AFG2A: variants seen among roughly 807,000 people sequenced by gnomAD.
The protein encoded by AFG2A is ATPase family gene 2 protein homolog A.
At chr4:122,926,468 T>A in the AFG2A span, among the ~76,000 whole-genome samples, 57 of 152,354 alleles carry the variant, frequency 3.7e-4, 2 homozygotes, top group South Asian at 2.1e-4. Context: ...CTCAGTGCTG[T>A]TCATCTTAGC....
the AFG2A span, among the ~76,000 whole-genome samples, chr4:122,998,838 G>A: frequency 1.3e-5 from 2 of 152,188 alleles, no homozygotes; most frequent in Non-Finnish European, 1.5e-5. Context: ...GTAATGGGAT[G>A]GTTGGGTCAA....
At chr4:123,056,560 T>A in the AFG2A span, 2 of 575,294 alleles carry the variant, frequency 3.5e-6, no homozygotes. Context: ...CTTAGTGGTA[T>A]TTTTTTTTCT....
the AFG2A span, among the ~76,000 whole-genome samples, chr4:123,017,257 AGAGCG>A: frequency 2.3e-4 from 33 of 142,176 alleles, no homozygotes; most frequent in Non-Finnish European, 3.8e-4. Context: ...AGGGAGAGCG[AGAGCG>A]AGAGCGAGAG....
At chr4:123,269,751 G>C in the AFG2A span, among the ~76,000 whole-genome samples, 10 of 93,034 alleles carry the variant, frequency 1.1e-4, no homozygotes, top group African/African-American at 3.0e-4. Flanking sequence ...TACATCCTTC[G>C]TCCCCCTTAA....
the AFG2A span, among the ~76,000 whole-genome samples, chr4:123,058,784 G>T: frequency 1.3e-5 from 2 of 148,646 alleles, no homozygotes; most frequent in African/African-American, 5.0e-5. Context: ...ATGAGATTTG[G>T]GTGGAGACAC....
chr4:123,122,608 A>G, the AFG2A span, among the ~76,000 whole-genome samples: 1 of 152,192 alleles, frequency 6.6e-6, no homozygotes, highest in Non-Finnish European at 1.5e-5. Context: ...ACTGTTCATT[A>G]CTTTTGTTTT....
At chr4:122,961,631 A>G in the AFG2A span, among the ~76,000 whole-genome samples, 1 of 152,040 alleles carries the variant, frequency 6.6e-6, no homozygotes, top group Non-Finnish European at 1.5e-5. Context: ...CAGACTCCTG[A>G]GTAGCTGGGA....
chr4:123,009,790 A>T, the AFG2A span, among the ~76,000 whole-genome samples: 1 of 152,212 alleles, frequency 6.6e-6, no homozygotes. Context: ...AATTTTCATC[A>T]CAGTCTAACT....
At chr4:123,034,759 G>T in the AFG2A span, among the ~76,000 whole-genome samples, 1 of 152,068 alleles carries the variant, frequency 6.6e-6, no homozygotes, top group Non-Finnish European at 1.5e-5. Context: ...TGTACTATCT[G>T]CTCAATTCTT....
chr4:122,944,353 C>G, the AFG2A span, among the ~76,000 whole-genome samples: 7 of 151,924 alleles, frequency 4.6e-5, no homozygotes, highest in Non-Finnish European at 1.0e-4. Flanking sequence ...TCTTTTTTCT[C>G]TAAACTTCCC....
At chr4:123,275,813 A>G in the AFG2A span, among the ~76,000 whole-genome samples, 1 of 152,180 alleles carries the variant, frequency 6.6e-6, no homozygotes, top group African/African-American at 2.4e-5. Context: ...TGCTGCTGCA[A>G]AAGACATGAT....
the AFG2A span, among the ~76,000 whole-genome samples, chr4:122,990,938 G>T: frequency 1.3e-5 from 2 of 152,132 alleles, no homozygotes; most frequent in Non-Finnish European, 2.9e-5. Flanking sequence ...GTGTTTTGTG[G>T]TCATATAAGT....
chr4:122,932,225 A>C, the AFG2A span, among the ~76,000 whole-genome samples: 1 of 151,714 alleles, frequency 6.6e-6, no homozygotes, highest in Non-Finnish European at 1.5e-5. Flanking sequence ...CAGTGAGCTG[A>C]GATCACACCA....
the AFG2A span, among the ~76,000 whole-genome samples, chr4:123,079,065 C>T: frequency 2.0e-5 from 3 of 152,286 alleles, no homozygotes; most frequent in East Asian, 5.8e-4. Flanking sequence ...GGTTCTCTTT[C>T]TATAACACTC....
chr4:122,984,078 A>G, the AFG2A span, among the ~76,000 whole-genome samples: 2 of 152,202 alleles, frequency 1.3e-5, no homozygotes, highest in African/African-American at 2.4e-5. Context: ...AGGCTCTTCA[A>G]CACCCCTCAA....
chr4:123,001,323 A>C, the AFG2A span, among the ~76,000 whole-genome samples: 1 of 151,926 alleles, frequency 6.6e-6, no homozygotes, highest in African/African-American at 2.4e-5. Context: ...CTCTGATCTT[A>C]GTTATTTCTT....
At chr4:123,216,157 G>T in the AFG2A span, among the ~76,000 whole-genome samples, 20 of 152,230 alleles carry the variant, frequency 1.3e-4, no homozygotes, top group African/African-American at 4.6e-4. Flanking sequence ...AATGTCATGA[G>T]ATTTGACCTA....
At chr4:122,982,912 G>C in the AFG2A span, among the ~76,000 whole-genome samples, 1 of 118,066 alleles carries the variant, frequency 8.5e-6, no homozygotes, top group South Asian at 2.9e-4. Context: ...CTGTTACCCA[G>C]GCTGGAGTGC....
chr4:123,247,534 C>A, the AFG2A span, among the ~76,000 whole-genome samples: 1 of 151,986 alleles, frequency 6.6e-6, no homozygotes, highest in African/African-American at 2.4e-5. Flanking sequence ...ATCCTCCCAC[C>A]TCAGCTGGGA....
Sources: gnomAD v4.1 joint callset for allele counts (sites outside exome capture counted in the v4.1 genomes callset) on GRCh38, gnomAD v4.1.1 for gene constraint, MANE v1.5 for transcripts, NCBI Gene and HGNC (gene_info 2026-07-23, HGNC 2026-07-21) for gene names.